COL4A2: variants seen among roughly 807,000 people sequenced by gnomAD.
The protein encoded by COL4A2 is collagen type IV alpha 2 chain.
A neutral mutation model predicts 200.2 loss-of-function variants in COL4A2; 99 were observed. The ratio of observed to expected loss-of-function variants is 0.49; its 90% CI spans 0.42 to 0.58. COL4A2 has a LOEUF of 0.58. COL4A2 is among the 20% of genes least tolerant of loss of function. COL4A2 has a pLI of 0.00. For missense variants in COL4A2, 1,950 were observed against 2,314.1 expected (o/e 0.84, Z 3.23); for synonymous variants, 897 against 900.6 (o/e 1.00, Z 0.07).
At chr13:110,420,010 A>T (rs1399449170) in intron 4 of COL4A2, among the ~76,000 whole-genome samples, 2 of 152,196 alleles carry the variant, frequency 1.3e-5, no homozygotes, top group African/African-American at 4.8e-5. Flanking sequence ...GGTCTCGTGC[A>T]TTGGTTCTCA....
chr13:110,332,394 G>A (rs9521700), intron 3 of COL4A2, among the ~76,000 whole-genome samples: 33,242 of 152,070 alleles, frequency 0.22, 3,983 homozygotes, highest in East Asian at 0.35. Flanking sequence ...CTCATCTTTA[G>A]TTAGGTTTCG....
Position 110,395,632 on chromosome 13 carries a change from G to A in COL4A2, c.181-29102G>A, listed in dbSNP as rs963497481. 8.5e-5 allele frequency among the ~76,000 whole-genome samples: 13 copies of A among 152,300 alleles called. No homozygotes were observed. The East Asian group carries it at 1.9e-3, about 23-fold the overall frequency. On this transcript the variant is annotated intron_variant, in intron 4 of 47. Coordinates refer to ENST00000360467, the MANE Select transcript of COL4A2 (RefSeq NM_001846.4). Reference sequence around the variant, plus strand: ...AAACTTTTTCCCCAAAAGTTTTTGTGCTTTTGAAGCAAATGCGAAAGTCCA... The same window carrying A: ...AAACTTTTTCCCCAAAAGTTTTTGTACTTTTGAAGCAAATGCGAAAGTCCA...
intron 40 of COL4A2, among the ~76,000 whole-genome samples, chr13:110,499,088 C>T (rs2077622): frequency 0.069 from 10,432 of 152,288 alleles, 507 homozygotes; most frequent in South Asian, 0.2. Context: ...TCCATGATGA[C>T]GTTCACACAC....
intron 4 of COL4A2, among the ~76,000 whole-genome samples, chr13:110,379,087 GTGGC>G (rs1352502300): frequency 1.3e-5 from 2 of 152,182 alleles, no homozygotes; most frequent in Admixed American, 1.3e-4. Context: ...CTGCTCTTAG[GTGGC>G]TGCACCAGGG....
chr13:110,325,322 G>A (rs1424784774), intron 3 of COL4A2, among the ~76,000 whole-genome samples: 1 of 152,180 alleles, frequency 6.6e-6, no homozygotes, highest in Non-Finnish European at 1.5e-5. Flanking sequence ...CTCCCCACCT[G>A]TTACCTCCCT....
In COL4A2 at chr13:110,508,651, G is replaced by C. The variant is rs1883970168; in HGVS notation, c.4881+430G>C. ...TGAAGAAATACCTATTAACTGGCTG[G>C]CTTAAAATGGATATATATTCGTGAG... On this transcript the variant is annotated intron_variant, in intron 47 of 47. Transcript: ENST00000360467. This position sits in a 1 kb window ranked among gnomAD's most constrained non-coding sequence, Gnocchi z 6.1. Among the ~76,000 whole-genome samples the C allele has an allele frequency of 6.6e-6, 1 of 152,184 alleles. No individual in the cohort carries two copies. Among genetic ancestry groups the C allele is most frequent in the Non-Finnish European group, 1.5e-5 (1 of 68,028 alleles).
At chr13:110,439,138 T>C (rs984554604) in intron 15 of COL4A2, among the ~76,000 whole-genome samples, 12 of 152,104 alleles carry the variant, frequency 7.9e-5, no homozygotes, top group African/African-American at 2.9e-4. Context: ...GAGACAGACC[T>C]CACCTTCAGA....
At chr13:110,496,131 A>ACCC (rs1883446492) in intron 40 of COL4A2, among the ~76,000 whole-genome samples, 1 of 152,116 alleles carries the variant, frequency 6.6e-6, no homozygotes, top group Non-Finnish European at 1.5e-5. Context: ...GCACACCTGG[A>ACCC]TGGACAGCCT....
In COL4A2 at chr13:110,458,776, G is replaced by T. The variant is rs561067393; in HGVS notation, c.1438G>T (p.Ala480Ser). 6.2e-7 allele frequency: 1 copy of T among 1,614,048 alleles called. No homozygotes were observed. The highest frequency in any genetic ancestry group is 8.5e-7 in the Non-Finnish European group (1 of 1,179,984). Residue 480 changes from alanine (A) to serine (S), a missense_variant, in exon 22 of 48, where the codon GCT becomes TCT. Physicochemically the swap from Ala to Ser is moderately conservative, Grantham distance 99. This residue lies in a region of COL4A2 where 1,385 missense variants were observed against 1,720.5 expected (regional missense o/e 0.80). Transcript: ENST00000360467. ...ARGPKGWKGD[A>S]GECRCTEGDE... The stretch of plus-strand genomic sequence containing the variant: ...CTCCTCTCCCTCCTCTGCAGGTGAC[G>T]CTGGGGAATGCAGATGTACAGAAGG...
chr13:110,455,875 C>G (rs1881712964), intron 20 of COL4A2, among the ~76,000 whole-genome samples: 1 of 152,238 alleles, frequency 6.6e-6, no homozygotes, highest in African/African-American at 2.4e-5. Context: ...CCCTGCTCCT[C>G]TCAGGTTCCA....
Position 110,357,481 on chromosome 13 carries a change from A to C in COL4A2, c.109A>C (p.Lys37Gln). 6.3e-7 allele frequency: 1 copy of C among 1,590,894 alleles called. No individual in the cohort carries two copies. Residue 37 changes from lysine (K) to glutamine (Q), a missense_variant, in exon 4 of 48, where the codon AAG becomes CAG. This residue lies in a region of COL4A2 where 565 missense variants were observed against 593.5 expected (regional missense o/e 0.95). Coordinates refer to ENST00000360467, the MANE Select transcript of COL4A2 (RefSeq NM_001846.4). ...TGTTTTATTGTTGCAGGGTGTGAAG[A>C]AGTTTGATGTGCCGTGTGGAGGAAG... is the stretch of plus-strand genomic sequence containing the variant. ...LAQSVLAGVK[K>Q]FDVPCGGRDC...
chr13:110,451,737 G>A (rs1290660258), intron 20 of COL4A2, among the ~76,000 whole-genome samples: 1 of 152,158 alleles, frequency 6.6e-6, no homozygotes, highest in Non-Finnish European at 1.5e-5. Context: ...ATTTCAGTGG[G>A]GACACAAAAC....
In COL4A2 at chr13:110,375,771, A is replaced by G. The variant is rs1394049980; in HGVS notation, c.180+18219A>G. 3.3e-5 allele frequency among the ~76,000 whole-genome samples: 5 copies of G among 152,104 alleles called. No homozygotes were observed. The East Asian group carries it at 9.6e-4, about 29-fold the overall frequency. ...CTTGAACCCGGGAGTCGGAGGCTGC[A>G]GTGAGCCAAGATCACGCCGCTGCAC... On this transcript the variant is annotated intron_variant, in intron 4 of 47. Transcript: ENST00000360467.
chr13:110,387,515 C>A (rs1400717744), intron 4 of COL4A2, among the ~76,000 whole-genome samples: 1 of 152,216 alleles, frequency 6.6e-6, no homozygotes, highest in Non-Finnish European at 1.5e-5. Flanking sequence ...GTGTCGGCCG[C>A]ATTCACCACC....
intron 46 of COL4A2, chr13:110,507,619 G>C: frequency 2.2e-6 from 1 of 448,782 alleles, no homozygotes; most frequent in Non-Finnish European, 4.1e-6. Context: ...GGCCAGTGCT[G>C]TTAAGACCCC....
chr13:110,478,807 GTGT>G (rs3831148), intron 30 of COL4A2, among the ~76,000 whole-genome samples: 42,237 of 152,136 alleles, frequency 0.28, 6,167 homozygotes, highest in East Asian at 0.43. Context: ...TTTTAAGGAA[GTGT>G]TGTATGTCAC....
chr13:110,386,451 C>A (rs879473720), intron 4 of COL4A2, among the ~76,000 whole-genome samples: 4 of 152,128 alleles, frequency 2.6e-5, no homozygotes, highest in Non-Finnish European at 4.4e-5. Flanking sequence ...CCAATCTCAG[C>A]CATCATTTCT....
intron 28 of COL4A2, among the ~76,000 whole-genome samples, chr13:110,472,084 G>A (rs541012738): frequency 6.6e-5 from 10 of 151,642 alleles, no homozygotes; most frequent in Admixed American, 6.6e-5. Context: ...CCCTCCATCC[G>A]CAGATGGGAC....
intron 34 of COL4A2, among the ~76,000 whole-genome samples, chr13:110,486,687 GAA>G (rs1165376271): frequency 6.6e-6 from 1 of 152,090 alleles, no homozygotes; most frequent in East Asian, 1.9e-4. Context: ...GGCTGAGTCT[GAA>G]AAGAGAGTCA....
Sources: gnomAD v4.1 joint callset for allele counts (sites outside exome capture counted in the v4.1 genomes callset) on GRCh38, gnomAD v4.1.1 for gene constraint, gnomAD v4.1.1 regional missense constraint, Gnocchi (gnomAD v3.1) non-coding constraint, MANE v1.5 for transcripts, NCBI Gene and HGNC (gene_info 2026-07-23, HGNC 2026-07-21) for gene names.